Variants in FAR2 observed in about 807,000 individuals in gnomAD.
FAR2 encodes the protein epididymis secretory protein Li 81.
A neutral mutation model predicts 56.0 loss-of-function variants in FAR2; 19 were observed. The ratio of observed to expected loss-of-function variants is 0.34; its 90% CI spans 0.24 to 0.50. The LOEUF is 0.50. FAR2 is among the 20% of genes least tolerant of loss of function. The probability of loss-of-function intolerance (pLI) is 0.98; values close to 1 mark genes in which losing one functional copy is unlikely to be tolerated. For missense variants in FAR2, 508 were observed against 642.2 expected (o/e 0.79, Z 2.26); for synonymous variants, 219 against 218.8 (o/e 1.00, Z -0.01).
At chr12:29,285,212 T>C (rs1948854970) in intron 2 of FAR2, among the ~76,000 whole-genome samples, 1 of 84,174 alleles carries the variant, frequency 1.2e-5, no homozygotes, top group Non-Finnish European at 2.4e-5. Flanking sequence ...CATGCTTCGC[T>C]GTATAAAAGC....
At chr12:29,264,443 T>C (rs1565494994) in intron 1 of FAR2, among the ~76,000 whole-genome samples, 1 of 152,016 alleles carries the variant, frequency 6.6e-6, no homozygotes, top group Non-Finnish European at 1.5e-5. Context: ...ACCAATGTTA[T>C]TCAACATAGT....
chr12:29,264,660 G>T (rs200513491), intron 1 of FAR2, among the ~76,000 whole-genome samples: 13 of 89,384 alleles, frequency 1.5e-4, no homozygotes, highest in East Asian at 1.2e-3. Flanking sequence ...AATAAATAAA[G>T]GAGAGAGAGA....
At chr12:29,248,110 T>C (rs1158338052) in intron 1 of FAR2, among the ~76,000 whole-genome samples, 1 of 152,236 alleles carries the variant, frequency 6.6e-6, no homozygotes, top group Non-Finnish European at 1.5e-5. Context: ...ACAATTACTT[T>C]AGTGCAACTA....
chr12:29,174,577 C>T (rs1037180208), intron 1 of FAR2, among the ~76,000 whole-genome samples: 10 of 150,780 alleles, frequency 6.6e-5, no homozygotes, highest in Non-Finnish European at 1.0e-4. Flanking sequence ...CCCACCACCA[C>T]GCCCGGCTAA....
At chr12:29,218,871 C>T (rs1053674121) in intron 1 of FAR2, among the ~76,000 whole-genome samples, 4 of 151,096 alleles carry the variant, frequency 2.6e-5, no homozygotes, top group East Asian at 3.9e-4. Context: ...AGAAACCTTC[C>T]GTGTTAGAAT....
At chr12:29,209,690 C>CCCTGTG (rs1947519865) in intron 1 of FAR2, among the ~76,000 whole-genome samples, 1 of 78,970 alleles carries the variant, frequency 1.3e-5, no homozygotes, top group Non-Finnish European at 3.1e-5. Flanking sequence ...AGGATGTCTG[C>CCCTGTG]TCTGTGTGTG....
intron 1 of FAR2, among the ~76,000 whole-genome samples, chr12:29,225,029 A>G (rs1031314406): frequency 1.3e-5 from 2 of 152,172 alleles, no homozygotes; most frequent in African/African-American, 4.8e-5. Context: ...TGAGGCCACA[A>G]GTTTGAGACC....
Position 29,334,011 on chromosome 12 carries a change from A to G in FAR2, c.*217A>G. 2.5e-6 allele frequency: 1 copy of G among 406,342 alleles called. No individual in the cohort carries two copies. The highest frequency in any genetic ancestry group is 4.3e-6 in the Non-Finnish European group (1 of 231,630). 25.2% of individuals were successfully genotyped at this position (406,342 alleles called of 1,614,324 possible). On this transcript the variant is annotated 3_prime_UTR_variant, in exon 12 of 12. Transcript: ENST00000536681. The stretch of plus-strand genomic sequence containing the variant: ...AGTCACCTATATTTTAGGGAAAAAA[A>G]TCCAAATTGTTTCCTAACATTCTAT...
chr12:29,197,755 A>G (rs1290835980), intron 1 of FAR2, among the ~76,000 whole-genome samples: 1 of 152,214 alleles, frequency 6.6e-6, no homozygotes, highest in East Asian at 1.9e-4. Context: ...GATGTGGAGC[A>G]TTGACTTCTT....
intron 1 of FAR2, among the ~76,000 whole-genome samples, chr12:29,168,336 A>G (rs917204998): frequency 6.6e-6 from 1 of 152,186 alleles, no homozygotes; most frequent in African/African-American, 2.4e-5. Flanking sequence ...TACCCTGATG[A>G]TATTTCTGGT....
chr12:29,296,009 C>T (rs1949065187), intron 3 of FAR2, among the ~76,000 whole-genome samples: 1 of 151,192 alleles, frequency 6.6e-6, no homozygotes, highest in South Asian at 2.1e-4. Context: ...ACCTCATGAT[C>T]CACCCGCCTC....
rs145921635 is a variant in FAR2, at chr12:29,256,425, C to T, written c.-38-13987C>T. 5.4e-3 allele frequency among the ~76,000 whole-genome samples: 815 copies of T among 152,236 alleles called. 15 individuals carry two copies. The highest frequency in any genetic ancestry group is 0.019 in the African/African-American group (774 of 41,546). On this transcript the variant is annotated intron_variant, in intron 1 of 11. Coordinates refer to ENST00000536681, the MANE Select transcript of FAR2 (RefSeq NM_001271783.2). The stretch of plus-strand genomic sequence containing the variant: ...CTGGTCTCAAACTCCTGGCATCAAG[C>T]GATCCTTGTGCCTCAGCCTCCCAAA...
intron 1 of FAR2, among the ~76,000 whole-genome samples, chr12:29,200,422 A>G (rs1947392596): frequency 6.6e-6 from 1 of 152,210 alleles, no homozygotes. Flanking sequence ...GCTGTCAACT[A>G]TGACTCAGAA....
chr12:29,223,612 A>G (rs1189131708), intron 1 of FAR2: 1 of 152,198 alleles, frequency 6.6e-6, no homozygotes, highest in Non-Finnish European at 1.5e-5. Context: ...AGAACACATT[A>G]CTTGGATTTC....
At chr12:29,329,214 A>T (rs2064625713) in intron 10 of FAR2, among the ~76,000 whole-genome samples, 1 of 152,226 alleles carries the variant, frequency 6.6e-6, no homozygotes, top group Non-Finnish European at 1.5e-5. Flanking sequence ...CCAGTTTATA[A>T]ATCAAAAACA....
intron 1 of FAR2, among the ~76,000 whole-genome samples, chr12:29,227,205 A>G (rs12322549): frequency 0.57 from 86,775 of 151,996 alleles, 25,100 homozygotes; most frequent in South Asian, 0.67. Flanking sequence ...ACCAGATTTG[A>G]CCCCTTTGAT....
At chr12:29,230,332 G>C (rs118112903) in intron 1 of FAR2, among the ~76,000 whole-genome samples, 3,815 of 152,086 alleles carry the variant, frequency 0.025, 71 homozygotes, top group Middle Eastern at 0.048. Context: ...CCTCTGGGTA[G>C]GGGGAGGAGT....
rs368584158 is a variant in FAR2 at position 29,291,059 on chromosome 12, G to C, written c.190-2241G>C. On this transcript the variant is annotated intron_variant, in intron 2 of 11. Coordinates refer to ENST00000536681, the MANE Select transcript of FAR2 (RefSeq NM_001271783.2). ...GATAGATACCCCTTCTCCATGATGT[G>C]CTTATTTCATATAGCATACCTGTAT... Among the ~76,000 whole-genome samples, 6 of 152,172 alleles carry C rather than the reference G, an allele frequency of 3.9e-5. 1 individual carries two copies. In the South Asian group the frequency reaches 1.0e-3, roughly 26 times the overall value.
At chr12:29,166,489 A>G (rs1248605519) in intron 1 of FAR2, among the ~76,000 whole-genome samples, 1 of 152,154 alleles carries the variant, frequency 6.6e-6, no homozygotes, top group African/African-American at 2.4e-5. Flanking sequence ...CAATTTCCAT[A>G]GCTTCTGTCA....
Sources: gnomAD v4.1 joint callset for allele counts (sites outside exome capture counted in the v4.1 genomes callset) on GRCh38, gnomAD v4.1.1 for gene constraint, MANE v1.5 for transcripts, NCBI Gene and HGNC (gene_info 2026-07-23, HGNC 2026-07-21) for gene names.